SLC35F2: variants seen among roughly 807,000 people sequenced by gnomAD.
SLC35F2 encodes solute carrier family 35 member F2, also known as queuine/queuosine transporter SLC35F2.
SLC35F2 carries 25 observed loss-of-function variants against 38.1 expected under a neutral mutation model. That is an observed-to-expected ratio of 0.66 (90% CI 0.48 to 0.92). The LOEUF (loss-of-function observed/expected upper bound fraction) is 0.92, where lower values mean the gene tolerates loss of function less well. Ranked by LOEUF, SLC35F2 falls within the 40% of genes least tolerant of loss-of-function variation. SLC35F2 has a pLI of 0.00. For synonymous variants in SLC35F2, 173 were observed against 181.7 expected, an observed-to-expected ratio of 0.95 and a Z score of 0.38; for missense variants, 409 against 452.9, an observed-to-expected ratio of 0.90 and a Z score of 0.88.
At chr11:107,802,650 A>G (rs1417472162) in intron 7 of SLC35F2, among the ~76,000 whole-genome samples, 1 of 152,262 alleles carries the variant, frequency 6.6e-6, no homozygotes, top group Non-Finnish European at 1.5e-5. Context: ...GAATGAATGG[A>G]AAAGTTCCTA....
chr11:107,809,696 T>G, intron 3 of SLC35F2: 1 of 983,580 alleles, frequency 1.0e-6, no homozygotes, highest in Non-Finnish European at 1.2e-6. Context: ...AGTATCAATT[T>G]TATTTTTAAA....
intron 1 of SLC35F2, among the ~76,000 whole-genome samples, chr11:107,840,452 G>T (rs1200733612): frequency 6.6e-6 from 1 of 152,190 alleles, no homozygotes; most frequent in African/African-American, 2.4e-5. Context: ...CAGAACAGAA[G>T]GTTCTGAAGG....
rs1859334564 is a variant in SLC35F2, at chr11:107,802,939, A to C, written c.939+62T>G. 9 of 1,472,346 alleles carry C rather than the reference A, an allele frequency of 6.1e-6. No homozygotes were observed. The South Asian group carries it at 8.2e-5, about 13-fold the overall frequency. 91.2% of individuals were successfully genotyped at this position (1,472,346 alleles called of 1,614,324 possible). On this transcript the variant is annotated intron_variant, in intron 7 of 7. Coordinates refer to ENST00000525815, the MANE Select transcript of SLC35F2 (RefSeq NM_017515.5). ...ATTTTTTGATCTAGAGTCTTGAAGA[A>C]ACCTGCTACGTTTTTTGGATCCAAG...
chr11:107,811,061 A>T, intron 3 of SLC35F2: 4 of 984,760 alleles, frequency 4.1e-6, no homozygotes, highest in Non-Finnish European at 4.8e-6. Context: ...TGTAGTCAGT[A>T]ATGGTGAGTC....
intron 1 of SLC35F2, among the ~76,000 whole-genome samples, chr11:107,818,078 A>AAGAAAGAG (rs1249150062): frequency 1.0e-5 from 1 of 97,288 alleles, no homozygotes; most frequent in Non-Finnish European, 2.3e-5. Context: ...AAAAAAAAGA[A>AAGAAAGAG]AGAAAGAAAG....
intron 1 of SLC35F2, among the ~76,000 whole-genome samples, chr11:107,847,854 C>T (rs1860123059): frequency 6.6e-6 from 1 of 152,132 alleles, no homozygotes. Context: ...GAACCAAGTG[C>T]CAAGTGAGAG....
At chr11:107,803,700 T>G (rs181645858) in intron 6 of SLC35F2, among the ~76,000 whole-genome samples, 1 of 152,178 alleles carries the variant, frequency 6.6e-6, no homozygotes, top group Admixed American at 6.6e-5. Flanking sequence ...TTTAGGACAG[T>G]GCTTGCCACG....
rs141387312 is a variant in SLC35F2 at position 107,857,724 on chromosome 11, A to G, written c.110+934T>C. Among the ~76,000 whole-genome samples the G allele has an allele frequency of 7.0e-4, 107 of 152,298 alleles. 1 individual carries two copies. The highest frequency in any genetic ancestry group is 2.4e-3 in the African/African-American group (100 of 41,564). On this transcript the variant is annotated intron_variant, in intron 1 of 7. Coordinates refer to ENST00000525815, the MANE Select transcript of SLC35F2 (RefSeq NM_017515.5). ...AAAAAAATCAAATATCTGTTTCATG[A>G]GTTGTCAGTGGCCAACGCTGTTTAG...
chr11:107,793,743 G>A (rs192211162), intron 7 of SLC35F2, among the ~76,000 whole-genome samples: 4 of 152,182 alleles, frequency 2.6e-5, no homozygotes, highest in South Asian at 4.2e-4. Context: ...TGTAAGGTCC[G>A]GTGAGGACAA....
At chr11:107,815,465 A>G (rs116225173) in intron 2 of SLC35F2, among the ~76,000 whole-genome samples, 6,427 of 150,930 alleles carry the variant, frequency 0.043, 226 homozygotes, top group African/African-American at 0.096. Flanking sequence ...GGCTGAGGTA[A>G]TTGGATCACT....
rs200628426 is a variant in SLC35F2, at chr11:107,857,202, CG to C, written c.110+1455del. Among the ~76,000 whole-genome samples, 952 of 100,416 alleles carry C rather than the reference CG, an allele frequency of 9.5e-3. 20 individuals are homozygous for C. Among genetic ancestry groups the C allele is most frequent in the African/African-American group, 0.035 (896 of 25,822 alleles). 65.9% of individuals were successfully genotyped at this position (100,416 alleles called of 152,430 possible). A position where few individuals can be genotyped will look rare whatever the true frequency, so the allele number is the denominator to read the frequency against. On this transcript the variant is annotated intron_variant, in intron 1 of 7. Transcript: ENST00000525815. ...CTTGTCCAAGACGGACGGACACGGACGGAAGGAAGGAACAAAGAAGGAGGGA... is the reference window on the plus strand; with the variant it reads ...CTTGTCCAAGACGGACGGACACGGACGAAGGAAGGAACAAAGAAGGAGGGA...
chr11:107,823,704 AG>A (rs1291956118), intron 1 of SLC35F2, among the ~76,000 whole-genome samples: 1 of 152,086 alleles, frequency 6.6e-6, no homozygotes, highest in African/African-American at 2.4e-5. Context: ...AGAGGTGGGC[AG>A]ATCACTTGAG....
intron 1 of SLC35F2, among the ~76,000 whole-genome samples, chr11:107,853,253 T>C (rs1020498502): frequency 1.3e-5 from 2 of 152,196 alleles, no homozygotes; most frequent in Non-Finnish European, 2.9e-5. Context: ...GTCTCTGCCC[T>C]TTTTTGTGCC....
chr11:107,837,205 G>C (rs1321173332), intron 1 of SLC35F2, among the ~76,000 whole-genome samples: 1 of 152,152 alleles, frequency 6.6e-6, no homozygotes, highest in Non-Finnish European at 1.5e-5. Context: ...TAAAAGACAG[G>C]GAAGTGCTAG....
intron 1 of SLC35F2, among the ~76,000 whole-genome samples, chr11:107,821,829 G>C (rs11823735): frequency 0.064 from 9,708 of 152,272 alleles, 333 homozygotes; most frequent in Middle Eastern, 0.1. Flanking sequence ...AGAATACACA[G>C]CAAACAAGAG....
intron 7 of SLC35F2, 23 bp downstream of exon 7, chr11:107,802,978 T>G: frequency 6.3e-7 from 1 of 1,579,806 alleles, no homozygotes; most frequent in Non-Finnish European, 8.6e-7. Flanking sequence ...GTATTCTTAT[T>G]TGAACGTGAT....
intron 1 of SLC35F2, among the ~76,000 whole-genome samples, chr11:107,821,966 A>G (rs73003327): frequency 0.055 from 8,402 of 152,308 alleles, 470 homozygotes; most frequent in African/African-American, 0.14. Flanking sequence ...GGCCAGGCAC[A>G]GTGGCTTATG....
chr11:107,830,266 T>C (rs910231252), intron 1 of SLC35F2, among the ~76,000 whole-genome samples: 9 of 152,166 alleles, frequency 5.9e-5, no homozygotes, highest in Non-Finnish European at 7.4e-5. Flanking sequence ...TTAATATTTA[T>C]GCATTTAAAA....
Position 107,845,950 on chromosome 11 carries a change from CATAAATAA to C in SLC35F2, c.110+12700_110+12707del, listed in dbSNP as rs57548679. On this transcript the variant is annotated intron_variant, in intron 1 of 7. Coordinates refer to ENST00000525815, the MANE Select transcript of SLC35F2 (RefSeq NM_017515.5). ...CCTGGGCGACAGACTGAGATTCTGTCATAAATAAATAAATAAATAAATAAATAAATAAA... is the reference window on the plus strand; with the variant it reads ...CCTGGGCGACAGACTGAGATTCTGTCATAAATAAATAAATAAATAAATAAA... 4.2e-3 allele frequency among the ~76,000 whole-genome samples: 598 copies of C among 142,920 alleles called. 2 individuals carry two copies. Among genetic ancestry groups the C allele is most frequent in the African/African-American group, 0.012 (479 of 38,692 alleles). 93.8% of individuals were successfully genotyped at this position (142,920 alleles called of 152,430 possible). A position where few individuals can be genotyped will look rare whatever the true frequency, so the allele number is the denominator to read the frequency against.
Sources: allele counts gnomAD v4.1 joint callset (sites outside exome capture counted in the v4.1 genomes callset), GRCh38; gene constraint gnomAD v4.1.1; transcripts MANE v1.5; gene names NCBI Gene and HGNC (gene_info 2026-07-23, HGNC 2026-07-21).